CCDC138: variants seen among roughly 807,000 people sequenced by gnomAD.
CCDC138 encodes the protein coiled-coil domain containing 138, also known as coiled-coil domain-containing protein 138.
A neutral mutation model predicts 82.3 loss-of-function variants in CCDC138; 66 were observed. The ratio of observed to expected loss-of-function variants is 0.80; its 90% CI spans 0.66 to 0.98. The LOEUF (loss-of-function observed/expected upper bound fraction) is 0.98. CCDC138 is among the 50% of genes least tolerant of loss of function. The pLI is 0.00. For synonymous variants in CCDC138, 297 were observed against 265.4 expected (o/e 1.12, Z -1.16); for missense variants, 816 against 758.9 (o/e 1.08, Z -0.88).
At chr2:108,855,513 A>G (rs1404858146) in intron 12 of CCDC138, among the ~76,000 whole-genome samples, 1 of 152,110 alleles carries the variant, frequency 6.6e-6, no homozygotes, top group Non-Finnish European at 1.5e-5. Flanking sequence ...ATGTTTCTAA[A>G]TAAGGCAAGT....
rs1366126227 is a variant in CCDC138, at chr2:108,846,145, C to A, written c.1324-593C>A. ...AGGATGTGCCTGATAAGCTGGTTTTCATTGATGGTGGAGCAATCAGCAACT... is the reference window on the plus strand; with the variant it reads ...AGGATGTGCCTGATAAGCTGGTTTTAATTGATGGTGGAGCAATCAGCAACT... On this transcript the variant is annotated intron_variant, in intron 11 of 14. Transcript: ENST00000295124. 3.9e-5 allele frequency among the ~76,000 whole-genome samples: 6 copies of A among 152,100 alleles called. No individual in the cohort carries two copies. In the South Asian group the frequency reaches 1.2e-3, roughly 32 times the overall value.
intron 12 of CCDC138, among the ~76,000 whole-genome samples, chr2:108,853,907 TTA>T (rs1692029907): frequency 8.3e-6 from 1 of 121,100 alleles, no homozygotes; most frequent in African/African-American, 3.4e-5. Flanking sequence ...ATATTATATA[TTA>T]TATAGTATAT....
intron 12 of CCDC138, among the ~76,000 whole-genome samples, chr2:108,853,976 A>T (rs1170436816): frequency 1.1e-5 from 1 of 90,816 alleles, no homozygotes; most frequent in African/African-American, 4.3e-5. Flanking sequence ...AAATATATAT[A>T]ATATATAATA....
intron 13 of CCDC138, among the ~76,000 whole-genome samples, chr2:108,866,978 A>G (rs574059422): frequency 6.6e-6 from 1 of 152,226 alleles, no homozygotes; most frequent in Admixed American, 6.5e-5. Flanking sequence ...GATTAAAAAG[A>G]TACATGTAAA....
At chr2:108,825,212 C>A (rs1213633523) in intron 10 of CCDC138, among the ~76,000 whole-genome samples, 2 of 152,038 alleles carry the variant, frequency 1.3e-5, no homozygotes, top group Non-Finnish European at 1.5e-5. Flanking sequence ...ACTTAGGAGA[C>A]ACAAAAACCA....
chr2:108,859,852 A>G (rs530165857), intron 13 of CCDC138, among the ~76,000 whole-genome samples: 5 of 151,880 alleles, frequency 3.3e-5, no homozygotes, highest in Admixed American at 1.3e-4. Flanking sequence ...AATGTTGGTA[A>G]TTTGATAGGA....
At position 108,848,229 on chromosome 2, in the gene CCDC138, TTC is replaced by T. The variant is rs1418471365; in HGVS notation, c.1516+1301_1516+1302del. The stretch of plus-strand genomic sequence containing the variant: ...TCATTTAATAACATGTAATGTTCAT[TTC>T]TGATAATATGCTAAGAAAAGCAAAA... On this transcript the variant is annotated intron_variant, in intron 12 of 14. Transcript: ENST00000295124. Among the ~76,000 whole-genome samples, 4 of 152,348 alleles carry T rather than the reference TTC, an allele frequency of 2.6e-5. No homozygotes were observed. The South Asian group carries it at 8.3e-4, about 32-fold the overall frequency.
chr2:108,883,368 C>G (rs905819635), intron 2 of CCDC138: 2 of 152,198 alleles, frequency 1.3e-5, no homozygotes, highest in South Asian at 2.1e-4. Flanking sequence ...TGAGCACTCA[C>G]CTGCACGGGG....
At chr2:108,834,684 A>G (rs976145150) in intron 10 of CCDC138, among the ~76,000 whole-genome samples, 3 of 152,228 alleles carry the variant, frequency 2.0e-5, no homozygotes, top group African/African-American at 7.2e-5. Context: ...CTGTACAACC[A>G]TCATCGCTAT....
intron 6 of CCDC138, among the ~76,000 whole-genome samples, chr2:108,802,626 TCTC>T (rs1189580714): frequency 7.0e-6 from 1 of 143,158 alleles, no homozygotes; most frequent in African/African-American, 2.6e-5. Flanking sequence ...TTTATTTCCT[TCTC>T]CTGCCTGATT....
At chr2:108,878,569 T>G (rs955947556), downstream of CCDC138, 2 of 196,448 alleles carry the variant, frequency 1.0e-5, no homozygotes, top group Non-Finnish European at 2.2e-5. Context: ...TCAGATATGT[T>G]TTATCGGGAA....
upstream of CCDC138, chr2:108,786,753 C>A: frequency 7.0e-7 from 1 of 1,433,420 alleles, no homozygotes; most frequent in Non-Finnish European, 9.6e-7. Context: ...TCGTGACGCA[C>A]TGCGGCCGCG....
chr2:108,798,571 T>G lies in CCDC138; in HGVS notation c.720T>G (p.Phe240Leu), dbSNP rs758961044. The change falls in exon 6 of 15, where the codon TTT (phenylalanine) becomes TTG (leucine). Residue 240 changes from phenylalanine (F) to leucine (L), a missense_variant. By Grantham distance (22) the Phe-to-Leu change is conservative. Transcript: ENST00000295124. ...TTGAAGAAGAGGTTCTTACAAGATT[T>G]CAAATTATAAAAGAGGTAACTATAT... The part of the protein sequence containing the change: ...KGVEEEVLTR[F>L]QIIKEQHDAE... 1.2e-6 allele frequency: 2 copies of G among 1,608,604 alleles called. No individual in the cohort carries two copies. Among genetic ancestry groups the G allele is most frequent in the Non-Finnish European group, 8.5e-7 (1 of 1,177,684 alleles).
At chr2:108,830,586 C>T (rs1574111868) in intron 10 of CCDC138, among the ~76,000 whole-genome samples, 1 of 139,820 alleles carries the variant, frequency 7.2e-6, no homozygotes, top group African/African-American at 3.3e-5. Flanking sequence ...GCGGGCAGAT[C>T]ACCTGATGTC....
At chr2:108,839,884 G>A (rs1368510869) in intron 11 of CCDC138, among the ~76,000 whole-genome samples, 2 of 151,362 alleles carry the variant, frequency 1.3e-5, no homozygotes, top group East Asian at 3.9e-4. Context: ...TATTGCATTA[G>A]CTAGAGTTTC....
At chr2:108,860,133 AT>A (rs546684927) in intron 13 of CCDC138, among the ~76,000 whole-genome samples, 162 of 145,818 alleles carry the variant, frequency 1.1e-3, no homozygotes, top group Middle Eastern at 3.6e-3. Flanking sequence ...AATGCTTCTG[AT>A]TTTTTTTTTT....
chr2:108,843,112 C>G (rs1689788595), intron 11 of CCDC138, among the ~76,000 whole-genome samples: 1 of 151,666 alleles, frequency 6.6e-6, no homozygotes, highest in East Asian at 1.9e-4. Flanking sequence ...TCATTATATC[C>G]TATCTATCTG....
intron 10 of CCDC138, among the ~76,000 whole-genome samples, chr2:108,833,876 C>T (rs1188537109): frequency 2.0e-5 from 3 of 148,248 alleles, no homozygotes; most frequent in South Asian, 4.3e-4. Context: ...TACAGGCGCC[C>T]GCTACCACGC....
chr2:108,838,311 A>G (rs1688917823), intron 10 of CCDC138, among the ~76,000 whole-genome samples: 3 of 152,206 alleles, frequency 2.0e-5, no homozygotes, highest in Admixed American at 2.0e-4. Flanking sequence ...AAAACATCAT[A>G]ATATACAGAA....
Sources: gnomAD v4.1 joint callset for allele counts (sites outside exome capture counted in the v4.1 genomes callset) on GRCh38, gnomAD v4.1.1 for gene constraint, MANE v1.5 for transcripts, NCBI Gene and HGNC (gene_info 2026-07-23, HGNC 2026-07-21) for gene names.